The following CLTCL1 variants were observed in gnomAD, a reference collection of about 807,000 sequenced individuals.
The protein encoded by CLTCL1 is clathrin heavy chain 2.
Under a neutral mutation model 190.0 loss-of-function variants are expected in CLTCL1, and 159 were observed. The ratio of observed to expected loss-of-function variants is 0.84; its 90% confidence interval spans 0.74 to 0.95. CLTCL1 has a LOEUF of 0.95. Ranked by LOEUF, CLTCL1 falls within the 40% of genes least tolerant of loss-of-function variation. The pLI, the probability that CLTCL1 is intolerant of heterozygous loss-of-function variation, is 0.00. For missense variants in CLTCL1, 1,878 were observed against 2,033.4 expected (o/e 0.92, Z 1.47); for synonymous variants, 752 against 769.6 (o/e 0.98, Z 0.38).
In CLTCL1 at chr22:19,183,725, C is replaced by T; in HGVS notation, c.4606-114G>A. 2 of 1,023,282 alleles carry T rather than the reference C, an allele frequency of 2.0e-6. 1 individual carries two copies. The highest frequency in any genetic ancestry group is 3.0e-5 in the South Asian group (2 of 66,768). 63.4% of individuals were successfully genotyped at this position (1,023,282 alleles called of 1,614,324 possible). On this transcript the variant is annotated intron_variant, in intron 29 of 32. Coordinates refer to ENST00000427926, the MANE Select transcript of CLTCL1 (RefSeq NM_007098.4). ...TAGACTCCACCAAGGACTTCCTGCGCTGTGGAGCAAGCCTGGACCCATGGC... is the reference window on the plus strand; with the variant it reads ...TAGACTCCACCAAGGACTTCCTGCGTTGTGGAGCAAGCCTGGACCCATGGC...
At chr22:19,277,884 C>T (rs958797325) in intron 1 of CLTCL1, among the ~76,000 whole-genome samples, 2 of 152,202 alleles carry the variant, frequency 1.3e-5, no homozygotes, top group African/African-American at 2.4e-5. Flanking sequence ...AGACACTAAT[C>T]GCAAGCCCCA....
intron 29 of CLTCL1, chr22:19,184,460 G>C: frequency 2.2e-6 from 1 of 456,002 alleles, no homozygotes; most frequent in Non-Finnish European, 4.4e-6. Flanking sequence ...GACCCGATGT[G>C]CTGAGCTGGC....
chr22:19,214,469 A>G (rs1217262981), intron 19 of CLTCL1, among the ~76,000 whole-genome samples: 5 of 151,618 alleles, frequency 3.3e-5, no homozygotes, highest in African/African-American at 1.2e-4. Flanking sequence ...TTCCCTACTA[A>G]TTTTTTGTTG....
At position 19,281,173 on chromosome 22, in the gene CLTCL1, T is replaced by C. The variant is rs1407059346; in HGVS notation, c.43-5343A>G. On this transcript the variant is annotated intron_variant, in intron 1 of 32. Coordinates refer to ENST00000427926, the MANE Select transcript of CLTCL1 (RefSeq NM_007098.4). ...AGCCAGGCATGGTGGTGGGTGCCTG[T>C]AGTCCCAGCTACTCAGGAGGCTGAG... 4.0e-5 allele frequency among the ~76,000 whole-genome samples: 6 copies of C among 151,280 alleles called. No homozygotes were observed. The East Asian group carries it at 9.9e-4, about 25-fold the overall frequency.
rs1050477315 is a variant in CLTCL1 at position 19,272,534 on chromosome 22, G to A, written c.250+3089C>T. Among the ~76,000 whole-genome samples, 6 of 152,134 alleles carry A rather than the reference G, an allele frequency of 3.9e-5. No homozygotes were observed. In the South Asian group the frequency reaches 1.0e-3, roughly 26 times the overall value. ...TGCCCAGGCTAGAGTGCAATAGCAC[G>A]ATCTTGGCTCACTGCAACTTCTGCC... On this transcript the variant is annotated intron_variant, in intron 2 of 32. Transcript: ENST00000427926.
chr22:19,194,782 A>G (rs1268472438), intron 26 of CLTCL1, among the ~76,000 whole-genome samples: 1 of 152,246 alleles, frequency 6.6e-6, no homozygotes, highest in Non-Finnish European at 1.5e-5. Context: ...CTGCTGGCCC[A>G]GCCCTATGGC....
intron 2 of CLTCL1, among the ~76,000 whole-genome samples, chr22:19,257,345 A>G (rs1245797115): frequency 1.3e-5 from 2 of 152,198 alleles, no homozygotes; most frequent in Non-Finnish European, 2.9e-5. Flanking sequence ...AGAAAAAAGA[A>G]TACTCTTTTC....
At chr22:19,261,686 T>A (rs1480102821) in intron 2 of CLTCL1, among the ~76,000 whole-genome samples, 2 of 152,204 alleles carry the variant, frequency 1.3e-5, no homozygotes, top group East Asian at 3.9e-4. Flanking sequence ...AAGTGGAGCC[T>A]GAAGATGGGA....
intron 15 of CLTCL1, 68 bp from the exon 16 acceptor site, chr22:19,222,161 C>T (rs1601566273): frequency 1.3e-5 from 20 of 1,554,710 alleles, no homozygotes; most frequent in East Asian, 6.7e-5. Flanking sequence ...CCTCCTACGA[C>T]GTGGACAGTT....
chr22:19,237,131 A>G (rs1202677930), intron 5 of CLTCL1, among the ~76,000 whole-genome samples: 2 of 152,164 alleles, frequency 1.3e-5, no homozygotes, highest in Non-Finnish European at 1.5e-5. Context: ...TATTCAAAAT[A>G]CATCAGACAC....
At chr22:19,213,293 ACTGG>A (rs1236753811) in intron 19 of CLTCL1, among the ~76,000 whole-genome samples, 8 of 151,376 alleles carry the variant, frequency 5.3e-5, no homozygotes, top group Non-Finnish European at 1.0e-4. Context: ...CATTTATGAG[ACTGG>A]CTAAGATAAA....
chr22:19,183,647 C>T (rs782528437), intron 29 of CLTCL1, 36 bp from the exon 30 acceptor site: 32 of 1,604,962 alleles, frequency 2.0e-5, no homozygotes, highest in Non-Finnish European at 2.7e-5. Context: ...GGGCATCCTG[C>T]AGGCAGAGGC....
intron 1 of CLTCL1, among the ~76,000 whole-genome samples, chr22:19,279,112 A>C (rs1269885182): frequency 6.6e-6 from 1 of 152,014 alleles, no homozygotes; most frequent in Non-Finnish European, 1.5e-5. Flanking sequence ...TAAATGCCCT[A>C]GAAGTTACAG....
At position 19,234,668 on chromosome 22, in the gene CLTCL1, A is replaced by G; in HGVS notation, c.1008T>C (p.Asn336=). ...GATTCTGAAGCACGTTGGTTGCATA[A>G]TTCACAATGTTATCTTCCTCAACAC... is the stretch of plus-strand genomic sequence containing the variant. ...SVCVEEDNIV[N]YATNVLQNPD... The change falls in exon 7 of 33, where the codon AAT becomes AAC. Residue 336 remains asparagine (N), a synonymous_variant. Transcript: ENST00000427926. 1 of 1,614,022 alleles carries G rather than the reference A, an allele frequency of 6.2e-7. No homozygotes were observed. The highest frequency in any genetic ancestry group is 1.1e-5 in the South Asian group (1 of 91,080).
At chr22:19,195,611 GAAT>G (rs2146280823) in intron 26 of CLTCL1, among the ~76,000 whole-genome samples, 2 of 152,300 alleles carry the variant, frequency 1.3e-5, no homozygotes, top group East Asian at 3.9e-4. Context: ...TGAGGATAAA[GAAT>G]TCCAGCCCCT....
At chr22:19,285,693 G>A (rs1436600838) in intron 1 of CLTCL1, among the ~76,000 whole-genome samples, 1 of 152,180 alleles carries the variant, frequency 6.6e-6, no homozygotes, top group African/African-American at 2.4e-5. Context: ...AGAAGTGGAA[G>A]AAAATGTGGG....
intron 6 of CLTCL1, 74 bp from the exon 7 acceptor site, chr22:19,234,780 C>A: frequency 1.4e-5 from 18 of 1,310,140 alleles, no homozygotes; most frequent in Non-Finnish European, 1.7e-5. Flanking sequence ...TGTTCCCTTC[C>A]GATGCTGGAG....
At position 19,235,825 on chromosome 22, in the gene CLTCL1, G is replaced by A. The variant is rs2086065038; in HGVS notation, c.840C>T (p.Gly280=). ...ACTCTAGGTCGTACAGATGAAGATAGCCATACTTTGTGATCAAGTAAATAA... is the reference window on the plus strand; with the variant it reads ...ACTCTAGGTCGTACAGATGAAGATAACCATACTTTGTGATCAAGTAAATAA... ...HGVIYLITKY[G]YLHLYDLESG... is the part of the protein sequence containing the mutation. The change falls in exon 6 of 33, where the codon GGC becomes GGT. Residue 280 remains glycine, a synonymous_variant. Transcript: ENST00000427926. The A allele has an allele frequency of 1.9e-6, 3 of 1,613,826 alleles. No homozygotes were observed. Among genetic ancestry groups the A allele is most frequent in the Non-Finnish European group, 8.5e-7 (1 of 1,179,860 alleles).
chr22:19,258,901 A>G (rs1010685381), intron 2 of CLTCL1: 1 of 433,190 alleles, frequency 2.3e-6, no homozygotes, highest in Non-Finnish European at 4.2e-6. Flanking sequence ...TAAAATGTTT[A>G]GAGAAAACAT....
Sources: allele counts gnomAD v4.1 joint callset (sites outside exome capture counted in the v4.1 genomes callset), GRCh38; gene constraint gnomAD v4.1.1; transcripts MANE v1.5; gene names NCBI Gene and HGNC (gene_info 2026-07-23, HGNC 2026-07-21).